The following JAKMIP3 variants were observed in gnomAD, a reference collection of about 807,000 sequenced individuals.
The protein encoded by JAKMIP3 is janus kinase and microtubule-interacting protein 3.
JAKMIP3 carries 58 observed loss-of-function variants against 118.5 expected under a neutral mutation model. The ratio of observed to expected loss-of-function variants is 0.49; its 90% confidence interval spans 0.40 to 0.61. JAKMIP3 has a LOEUF of 0.61. JAKMIP3 is among the 20% of genes least tolerant of loss of function. The probability of loss-of-function intolerance (pLI) is 0.00; values close to 1 mark genes in which losing one functional copy is unlikely to be tolerated. For missense variants in JAKMIP3, 950 were observed against 1,109.0 expected (o/e 0.86, Z 2.04); for synonymous variants, 486 against 451.2 (o/e 1.08, Z -0.98).
At chr10:132,145,328 C>T (rs1171112840) in intron 12 of JAKMIP3, 138 bp downstream of exon 12, 4 of 900,920 alleles carry the variant, frequency 4.4e-6, no homozygotes, top group East Asian at 2.6e-5. Flanking sequence ...ATCCTCCCAC[C>T]TCAGCCTCCT....
At chr10:132,058,304 G>A (rs1183408767) in intron 1 of JAKMIP3, among the ~76,000 whole-genome samples, 1 of 152,232 alleles carries the variant, frequency 6.6e-6, no homozygotes, top group Non-Finnish European at 1.5e-5. Context: ...TGTGGTTTGT[G>A]GTTCACAGGG....
At chr10:132,143,322 A>G (rs111532541) in intron 11 of JAKMIP3, among the ~76,000 whole-genome samples, 2,489 of 152,234 alleles carry the variant, frequency 0.016, 72 homozygotes, top group African/African-American at 0.057. Flanking sequence ...AGCAGCCCCG[A>G]GACATCCCAG....
Position 132,162,084 on chromosome 10 carries a change from A to G in JAKMIP3, c.2221-1125A>G, listed in dbSNP as rs1487127481. On this transcript the variant is annotated intron_variant, in intron 19 of 23. Transcript: ENST00000684848. ...GCTCGGGTGCCCTCAGGTGACCCAC[A>G]GGCCTGTGAGCACCGAGGTTTTTTT... Among the ~76,000 whole-genome samples, 2 of 122,706 alleles carry G rather than the reference A, an allele frequency of 1.6e-5. 1 individual carries two copies. The allele number at this position is 122,706 out of a possible 152,430, so 80.5% of individuals were successfully genotyped here.
intron 3 of JAKMIP3, among the ~76,000 whole-genome samples, chr10:132,120,900 G>A (rs536590013): frequency 5.3e-5 from 8 of 152,380 alleles, no homozygotes; most frequent in Admixed American, 2.6e-4. Flanking sequence ...GTGAGGTGGA[G>A]GGGCTGGGAG....
chr10:132,156,079 C>T (rs1480579642), intron 19 of JAKMIP3, among the ~76,000 whole-genome samples: 1 of 152,152 alleles, frequency 6.6e-6, no homozygotes, highest in Non-Finnish European at 1.5e-5. Context: ...CCCCTCAGTG[C>T]CCCAGACCAT....
rs2048024940 is a variant in JAKMIP3, at chr10:132,118,230, AGAGACCTGG to A, written c.633+658_633+666del. The stretch of plus-strand genomic sequence containing the variant: ...GCATCTGGTGCAGCCTAATAGCTCC[AGAGACCTGG>A]GCACCCATGGCAGGCACCAGGAGAG... On this transcript the variant is annotated intron_variant, in intron 3 of 23. Transcript: ENST00000684848. This position sits in a 1 kb window ranked among gnomAD's most constrained non-coding sequence, Gnocchi z 4.8. Among the ~76,000 whole-genome samples, 1 of 152,184 alleles carries A rather than the reference AGAGACCTGG, an allele frequency of 6.6e-6. No homozygotes were observed. The highest frequency in any genetic ancestry group is 2.4e-5 in the African/African-American group (1 of 41,442).
At chr10:132,180,915 C>G (rs538960032) in intron 23 of JAKMIP3, among the ~76,000 whole-genome samples, 1 of 151,760 alleles carries the variant, frequency 6.6e-6, no homozygotes, top group African/African-American at 2.4e-5. Context: ...TTGCATGTGC[C>G]TGTATGTGTA....
chr10:132,126,036 A>G (rs190438838), intron 3 of JAKMIP3, among the ~76,000 whole-genome samples: 3 of 152,266 alleles, frequency 2.0e-5, no homozygotes, highest in African/African-American at 7.2e-5. Flanking sequence ...AAGTGCTGGG[A>G]TGACAGGAGT....
chr10:132,068,890 C>G (rs1202014756), intron 1 of JAKMIP3, among the ~76,000 whole-genome samples: 1 of 152,100 alleles, frequency 6.6e-6, no homozygotes, highest in African/African-American at 2.4e-5. Flanking sequence ...GAATTGGTCT[C>G]CAGAAAAACC....
At chr10:132,174,399 A>ATGGCCTCCG (rs1040557287) in intron 23 of JAKMIP3, among the ~76,000 whole-genome samples, 7 of 151,588 alleles carry the variant, frequency 4.6e-5, no homozygotes, top group East Asian at 1.9e-4. Context: ...GGTGGGCTCA[A>ATGGCCTCCG]TGGCCTCCGT....
At chr10:132,070,297 G>A (rs545458286) in intron 1 of JAKMIP3, among the ~76,000 whole-genome samples, 16 of 152,208 alleles carry the variant, frequency 1.1e-4, no homozygotes, top group Admixed American at 4.6e-4. Flanking sequence ...ACAGGTGTCC[G>A]CCACCACACC....
chr10:132,109,051 C>CAT, intron 2 of JAKMIP3, among the ~76,000 whole-genome samples: 1 of 97,462 alleles, frequency 1.0e-5, no homozygotes, highest in East Asian at 2.2e-4. Flanking sequence ...TATACACACA[C>CAT]ATACATGCAC....
rs1268212345 is a variant in JAKMIP3, at chr10:132,139,288, GCATC to G, written c.1344+1111_1344+1114del. Among the ~76,000 whole-genome samples, 206 of 141,742 alleles carry G rather than the reference GCATC, an allele frequency of 1.5e-3. 3 individuals are homozygous for G. The highest frequency in any genetic ancestry group is 2.4e-3 in the Non-Finnish European group (163 of 66,600). The allele number at this position is 141,742 out of a possible 152,430, so 93.0% of individuals were successfully genotyped here. A position where few individuals can be genotyped will look rare whatever the true frequency, so the allele number is the denominator to read the frequency against. On this transcript the variant is annotated intron_variant, in intron 9 of 23. Transcript: ENST00000684848. ...TATGTGTGTACATGTGAGTGTATAT[GCATC>G]TGTGTATGTGTGTGAGTGTGTATGT...
intron 2 of JAKMIP3, among the ~76,000 whole-genome samples, chr10:132,114,655 A>G (rs2047355399): frequency 6.6e-6 from 1 of 152,210 alleles, no homozygotes; most frequent in Admixed American, 6.5e-5. Flanking sequence ...GCTTCTATAC[A>G]TTGAATTGCA....
intron 23 of JAKMIP3, among the ~76,000 whole-genome samples, chr10:132,175,116 C>T (rs116761601): frequency 0.027 from 4,137 of 152,200 alleles, 177 homozygotes; most frequent in African/African-American, 0.088. Context: ...TTGATGAAGT[C>T]TAATTTATCT....
chr10:132,088,865 A>G (rs1050868609), intron 1 of JAKMIP3, among the ~76,000 whole-genome samples: 5 of 152,164 alleles, frequency 3.3e-5, no homozygotes, highest in African/African-American at 1.2e-4. Context: ...TCTTTAATCC[A>G]TCTTGAATTA....
At chr10:132,141,310 C>A (rs1405451114) in intron 10 of JAKMIP3, among the ~76,000 whole-genome samples, 1 of 152,168 alleles carries the variant, frequency 6.6e-6, no homozygotes, top group Non-Finnish European at 1.5e-5. Flanking sequence ...GGCTTCTGGG[C>A]TCAGTCACTC....
chr10:132,044,491 TGGTGCAGAGGAGGGTGCGGCC>T lies in JAKMIP3; in HGVS notation c.-138+7767_-138+7787del, dbSNP rs1222495608. On this transcript the variant is annotated intron_variant, in intron 1 of 23. Transcript: ENST00000657785. This position sits in a 1 kb window ranked among gnomAD's most constrained non-coding sequence, Gnocchi z 5.3. ...GGCTGCTTGGGAAAACAGTTATGGC[TGGTGCAGAGGAGGGTGCGGCC>T]GGTGCAGAGGAGGATGCAGGAGGAG... Among the ~76,000 whole-genome samples, 5 of 152,114 alleles carry T rather than the reference TGGTGCAGAGGAGGGTGCGGCC, an allele frequency of 3.3e-5. No individual in the cohort carries two copies. Among genetic ancestry groups the T allele is most frequent in the South Asian group, 4.2e-4 (2 of 4,796 alleles).
chr10:132,180,150 A>T (rs1311203285), intron 23 of JAKMIP3, among the ~76,000 whole-genome samples: 1 of 152,152 alleles, frequency 6.6e-6, no homozygotes, highest in Non-Finnish European at 1.5e-5. Flanking sequence ...CACTAAAGGA[A>T]TGCTTCGAAG....
Sources: allele counts gnomAD v4.1 joint callset (sites outside exome capture counted in the v4.1 genomes callset), GRCh38; gene constraint gnomAD v4.1.1; non-coding constraint Gnocchi (gnomAD v3.1); transcripts MANE v1.5; gene names NCBI Gene and HGNC (gene_info 2026-07-23, HGNC 2026-07-21).